Variants in TUBB8 observed in about 807,000 individuals in gnomAD.
TUBB8 encodes the protein tubulin beta-8 chain.
TUBB8 carries 25 observed loss-of-function variants against 33.7 expected under a neutral mutation model. The ratio of observed to expected loss-of-function variants is 0.74; its 90% CI spans 0.54 to 1.04. The LOEUF (loss-of-function observed/expected upper bound fraction) is 1.04. Among genes scored for constraint, TUBB8 ranks in the 50% least tolerant of loss-of-function variants. The pLI, the probability that TUBB8 is intolerant of heterozygous loss-of-function variation, is 0.00. For synonymous variants in TUBB8, 245 were observed against 240.1 expected (o/e 1.02, Z -0.19); for missense variants, 279 against 608.0 (o/e 0.46, Z 5.69).
At chr10:74,767 T>C (rs1267182189), upstream of TUBB8, among the ~76,000 whole-genome samples, 1 of 151,724 alleles carries the variant, frequency 6.6e-6, no homozygotes, top group East Asian at 2.0e-4. Flanking sequence ...GGCTCACGCC[T>C]GTAATCCCAG....
At chr10:60,612 T>A (rs1462832887) in intron 1 of TUBB8, among the ~76,000 whole-genome samples, 1 of 152,112 alleles carries the variant, frequency 6.6e-6, no homozygotes, top group African/African-American at 2.4e-5. Flanking sequence ...ATAGGAACAC[T>A]TTTACACTGT....
At chr10:51,114 C>A (rs531407144), upstream of TUBB8, among the ~76,000 whole-genome samples, 1 of 152,246 alleles carries the variant, frequency 6.6e-6, no homozygotes, top group East Asian at 1.9e-4. Context: ...AGTGAATAAG[C>A]CTCATGAGAT....
intron 1 of TUBB8, among the ~76,000 whole-genome samples, chr10:60,968 T>C (rs1424451980): frequency 6.6e-6 from 1 of 151,096 alleles, no homozygotes; most frequent in Non-Finnish European, 1.5e-5. Flanking sequence ...CAGTAAACTA[T>C]CGCAAGAACA....
chr10:57,240 G>C (rs1156719923), intron 1 of TUBB8, among the ~76,000 whole-genome samples: 8 of 152,200 alleles, frequency 5.3e-5, no homozygotes, highest in Non-Finnish European at 1.0e-4. Context: ...GGCTGGTTTT[G>C]TGTGCTTCTG....
chr10:60,362 A>T lies in TUBB8; in HGVS notation c.-845-10129T>A, dbSNP rs372046984. On this transcript the variant is annotated intron_variant, in intron 1 of 3. Coordinates refer to the TUBB8 transcript ENST00000564130. ...GGCTAATATCCAGAATCTACAATGA[A>T]CTCAAACAAATTTACAAGAAAAAAA... Among the ~76,000 whole-genome samples, 56 of 146,550 alleles carry T rather than the reference A, an allele frequency of 3.8e-4. No homozygotes were observed. The East Asian group carries it at 8.4e-3, about 22-fold the overall frequency.
At chr10:49,574 A>T, upstream of TUBB8, 1 of 558,872 alleles carries the variant, frequency 1.8e-6, no homozygotes, top group Non-Finnish European at 3.4e-6. Context: ...TGGGAGGGGA[A>T]GACTCTTGTT....
At chr10:56,587 A>T (rs1229655932) in intron 1 of TUBB8, among the ~76,000 whole-genome samples, 1 of 152,152 alleles carries the variant, frequency 6.6e-6, no homozygotes. Flanking sequence ...GCAGGGGGGA[A>T]GTGCTACGCA....
At chr10:60,009 T>C (rs1348760215) in intron 1 of TUBB8, among the ~76,000 whole-genome samples, 10 of 152,160 alleles carry the variant, frequency 6.6e-5, no homozygotes, top group Admixed American at 3.9e-4. Flanking sequence ...ATTTGTATCT[T>C]TGTTTTTTAG....
chr10:48,074 G>A lies in TUBB8; in HGVS notation c.318C>T (p.Tyr106=). 1 of 1,613,980 alleles carries A rather than the reference G, an allele frequency of 6.2e-7. No homozygotes were observed. Among genetic ancestry groups the A allele is most frequent in the Non-Finnish European group, 8.5e-7 (1 of 1,179,958 alleles). ...ACTCCATCAGCTCCGCGCCTTCGGT[G>A]TAGTGTCCCTTGGCCCAGTTGTTTC... ...GAGNNWAKGH[Y]TEGAELMESV... is the part of the protein sequence containing the mutation. Residue 106 remains tyrosine (Y), a synonymous_variant, in exon 4 of 4, where the codon TAC becomes TAT. Coordinates refer to ENST00000568584, the MANE Select transcript of TUBB8 (RefSeq NM_177987.3).
chr10:62,511 T>C (rs1466189274), intron 1 of TUBB8, among the ~76,000 whole-genome samples: 1 of 152,266 alleles, frequency 6.6e-6, no homozygotes, highest in Non-Finnish European at 1.5e-5. Flanking sequence ...TTACTCTTTC[T>C]ATTTGAGATT....
upstream of TUBB8, among the ~76,000 whole-genome samples, chr10:76,325 T>G (rs1834814043): frequency 6.6e-6 from 1 of 152,058 alleles, no homozygotes; most frequent in African/African-American, 2.4e-5. Context: ...ACCGGCATCT[T>G]GTCCTGTGCT....
chr10:68,636 T>C (rs1250920455), intron 1 of TUBB8, among the ~76,000 whole-genome samples: 2 of 152,354 alleles, frequency 1.3e-5, no homozygotes, highest in Admixed American at 1.3e-4. Flanking sequence ...TCTAGGAATC[T>C]TGCAATAGCA....
intron 1 of TUBB8, among the ~76,000 whole-genome samples, chr10:58,340 T>C (rs1245263305): frequency 6.6e-6 from 1 of 152,264 alleles, no homozygotes; most frequent in Non-Finnish European, 1.5e-5. Context: ...TCTGCCTGTT[T>C]ACCCAATTAC....
rs1348630098 is a variant in TUBB8 at position 66,960 on chromosome 10, G to T, written c.-846+7009C>A. 2.6e-5 allele frequency among the ~76,000 whole-genome samples: 4 copies of T among 152,264 alleles called. No homozygotes were observed. In the East Asian group the frequency reaches 7.7e-4, roughly 29 times the overall value. On this transcript the variant is annotated intron_variant, in intron 1 of 3. Transcript: ENST00000564130. ...AGTACTCCAGCCTGGGAGACAGAGT[G>T]AGATCCTGTCTCAAAAAAATAAAAA...
intron 1 of TUBB8, among the ~76,000 whole-genome samples, chr10:72,993 T>A (rs1588282796): frequency 6.6e-6 from 1 of 152,086 alleles, no homozygotes; most frequent in African/African-American, 2.4e-5. Flanking sequence ...AAAAAAAGAT[T>A]AGTGACTTTC....
At chr10:62,042 C>T (rs368411607) in intron 1 of TUBB8, among the ~76,000 whole-genome samples, 28,667 of 140,436 alleles carry the variant, frequency 0.2, 1 homozygote, top group African/African-American at 0.33. Context: ...CTTCTCTATC[C>T]ATTCATCCAC....
chr10:73,442 A>G (rs374555022), intron 1 of TUBB8, among the ~76,000 whole-genome samples: 15,240 of 113,918 alleles, frequency 0.13, no homozygotes, highest in African/African-American at 0.27. Context: ...TTGGGAGTTC[A>G]AGACCAGCCT....
intron 1 of TUBB8, among the ~76,000 whole-genome samples, chr10:66,474 C>T (rs1345484519): frequency 6.6e-6 from 1 of 152,156 alleles, no homozygotes; most frequent in Admixed American, 6.5e-5. Context: ...CACAGGAAAA[C>T]ACTCTCTCTA....
At chr10:50,830 C>T (rs1834458442), upstream of TUBB8, among the ~76,000 whole-genome samples, 1 of 152,228 alleles carries the variant, frequency 6.6e-6, no homozygotes, top group Non-Finnish European at 1.5e-5. Context: ...TTCTCTTGTG[C>T]TAATAATAGC....
Sources: allele counts gnomAD v4.1 joint callset (sites outside exome capture counted in the v4.1 genomes callset), GRCh38; gene constraint gnomAD v4.1.1; transcripts MANE v1.5; gene names NCBI Gene and HGNC (gene_info 2026-07-23, HGNC 2026-07-21).